Variants in DGKB observed in about 807,000 individuals in gnomAD.
DGKB encodes 90 kDa diacylglycerol kinase.
Under a neutral mutation model 114.3 loss-of-function variants are expected in DGKB, and 67 were observed. That is an observed-to-expected ratio of 0.59 (90% CI 0.48 to 0.72). The LOEUF is 0.72. DGKB is among the 30% of genes least tolerant of loss of function. The pLI, the probability that DGKB is intolerant of heterozygous loss-of-function variation, is 0.00. For missense variants in DGKB, 907 were observed against 975.2 expected (o/e 0.93, Z 0.93); for synonymous variants, 398 against 323.1 (o/e 1.23, Z -2.49).
At chr7:14,968,757 T>G (rs976122314) in intron 1 of DGKB, among the ~76,000 whole-genome samples, 26 of 152,328 alleles carry the variant, frequency 1.7e-4, no homozygotes, top group Admixed American at 1.1e-3. Context: ...AAATGTGATA[T>G]TTCTCTTGAA....
chr7:14,798,819 C>G lies in DGKB; in HGVS notation c.71-41088G>C, dbSNP rs151268409. The stretch of plus-strand genomic sequence containing the variant: ...CCAGTTCCAGAATGCCTAATTGTAA[C>G]AGATATAGTCAGCAGCTCCCCACAT... On this transcript the variant is annotated intron_variant, in intron 2 of 25. Transcript: ENST00000402815. Among the ~76,000 whole-genome samples the G allele has an allele frequency of 5.4e-4, 82 of 152,332 alleles. No homozygotes were observed. In the East Asian group the frequency reaches 0.013, roughly 25 times the overall value.
chr7:14,210,872 C>A (rs2128304041), intron 23 of DGKB, among the ~76,000 whole-genome samples: 1 of 152,108 alleles, frequency 6.6e-6, no homozygotes, highest in South Asian at 2.1e-4. Context: ...CTTTATAAAG[C>A]AAACCCATCT....
chr7:14,933,216 A>G (rs1037115360), intron 1 of DGKB, among the ~76,000 whole-genome samples: 1 of 152,118 alleles, frequency 6.6e-6, no homozygotes, highest in African/African-American at 2.4e-5. Flanking sequence ...AAACATCACT[A>G]ATTATTTTCT....
intron 20 of DGKB, among the ~76,000 whole-genome samples, chr7:14,539,987 G>C (rs531069481): frequency 1.3e-5 from 2 of 151,910 alleles, no homozygotes; most frequent in East Asian, 3.9e-4. Flanking sequence ...AAACATCATT[G>C]AGCATGTTTT....
intron 4 of DGKB, among the ~76,000 whole-genome samples, chr7:14,746,559 C>T (rs766572946): frequency 2.6e-5 from 4 of 152,038 alleles, no homozygotes; most frequent in African/African-American, 4.8e-5. Context: ...AGTGCAATGG[C>T]GTGATCTTGG....
chr7:14,446,743 C>T (rs1830773388), intron 21 of DGKB, among the ~76,000 whole-genome samples: 1 of 152,058 alleles, frequency 6.6e-6, no homozygotes, highest in African/African-American at 2.4e-5. Context: ...TGTCCAGGGA[C>T]ACATAGAGGC....
intron 1 of DGKB, among the ~76,000 whole-genome samples, chr7:14,858,056 A>C (rs972401488): frequency 6.6e-6 from 1 of 152,184 alleles, no homozygotes; most frequent in African/African-American, 2.4e-5. Context: ...AGTCACATAT[A>C]ACAGCATTTT....
chr7:14,345,256 A>G (rs777236161), intron 22 of DGKB, 45 bp downstream of exon 22: 3 of 1,131,876 alleles, frequency 2.7e-6, no homozygotes, highest in Middle Eastern at 2.0e-4. Flanking sequence ...AACAAAGCTC[A>G]AGCCATTTCA....
chr7:14,318,379 C>T (rs1807040756), intron 23 of DGKB, among the ~76,000 whole-genome samples: 1 of 152,042 alleles, frequency 6.6e-6, no homozygotes, highest in Admixed American at 6.6e-5. Flanking sequence ...ATTTTCGCAA[C>T]CTACTCATCT....
chr7:14,666,779 C>A (rs1405834722), intron 13 of DGKB, among the ~76,000 whole-genome samples: 1 of 150,962 alleles, frequency 6.6e-6, no homozygotes, highest in African/African-American at 2.4e-5. Flanking sequence ...CATTTTTTTT[C>A]TTAAAAAAAA....
chr7:14,274,083 G>T (rs1798648123), intron 23 of DGKB, among the ~76,000 whole-genome samples: 1 of 152,174 alleles, frequency 6.6e-6, no homozygotes, highest in Admixed American at 6.5e-5. Context: ...GAGTTCATAA[G>T]TTGCTTTGCT....
chr7:14,912,515 C>G (rs1241758972), intron 1 of DGKB, among the ~76,000 whole-genome samples: 1 of 152,094 alleles, frequency 6.6e-6, no homozygotes, highest in Non-Finnish European at 1.5e-5. Flanking sequence ...CAAAATGAGA[C>G]AAGCACCTGG....
intron 21 of DGKB, among the ~76,000 whole-genome samples, chr7:14,410,644 C>T (rs575396588): frequency 1.2e-4 from 19 of 152,154 alleles, no homozygotes; most frequent in Admixed American, 9.2e-4. Context: ...TAAAAGTACA[C>T]ATATATGTGC....
chr7:14,495,991 T>G (rs1785253890), intron 20 of DGKB, among the ~76,000 whole-genome samples: 1 of 151,838 alleles, frequency 6.6e-6, no homozygotes, highest in South Asian at 2.1e-4. Flanking sequence ...TATTGGAGGC[T>G]TCTTGTAGTG....
intron 20 of DGKB, among the ~76,000 whole-genome samples, chr7:14,478,642 C>T (rs1372324608): frequency 6.6e-6 from 1 of 151,838 alleles, no homozygotes; most frequent in Admixed American, 6.6e-5. Flanking sequence ...TACAGAGGCT[C>T]CTAATTATTT....
At chr7:14,363,003 T>C (rs1816023143) in intron 21 of DGKB, among the ~76,000 whole-genome samples, 1 of 152,092 alleles carries the variant, frequency 6.6e-6, no homozygotes, top group Admixed American at 6.6e-5. Flanking sequence ...TTCATGGGGT[T>C]CATAAATGCC....
intron 20 of DGKB, among the ~76,000 whole-genome samples, chr7:14,525,644 T>C (rs983691026): frequency 2.0e-5 from 3 of 152,130 alleles, no homozygotes; most frequent in Non-Finnish European, 4.4e-5. Flanking sequence ...CAAGATATGA[T>C]GATCCAGTTA....
intron 20 of DGKB, among the ~76,000 whole-genome samples, chr7:14,533,034 C>T (rs10280763): frequency 8.6e-5 from 13 of 151,626 alleles, no homozygotes; most frequent in Admixed American, 3.9e-4. Flanking sequence ...CCAACTCTAA[C>T]GAAATGAAAG....
At chr7:14,702,880 G>T (rs1010639414) in intron 6 of DGKB, among the ~76,000 whole-genome samples, 1 of 152,224 alleles carries the variant, frequency 6.6e-6, no homozygotes, top group East Asian at 1.9e-4. Flanking sequence ...AAGAAAAAAA[G>T]TTAGCCATGT....
Sources: allele counts gnomAD v4.1 joint callset (sites outside exome capture counted in the v4.1 genomes callset), GRCh38; gene constraint gnomAD v4.1.1; transcripts MANE v1.5; gene names NCBI Gene and HGNC (gene_info 2026-07-23, HGNC 2026-07-21).